MARF1: variants seen among roughly 807,000 people sequenced by gnomAD.
The protein encoded by MARF1 is meiosis regulator and mRNA stability factor 1.
Under a neutral mutation model 168.2 loss-of-function variants are expected in MARF1, and 24 were observed. That is an observed-to-expected ratio of 0.14 (90% CI 0.10 to 0.20). The LOEUF (loss-of-function observed/expected upper bound fraction) is 0.20, where lower values mean the gene tolerates loss of function less well. Ranked by LOEUF, MARF1 falls within the 10% of genes least tolerant of loss-of-function variation. MARF1 has a pLI of 1.00. For synonymous variants in MARF1, 868 were observed against 822.4 expected, an observed-to-expected ratio of 1.06 and a Z score of -0.95; for missense variants, 1,744 against 2,143.6, an observed-to-expected ratio of 0.81 and a Z score of 3.68.
intron 25 of MARF1, among the ~76,000 whole-genome samples, chr16:15,599,842 G>T (rs192110181): frequency 1.3e-5 from 2 of 151,364 alleles, no homozygotes; most frequent in Non-Finnish European, 2.9e-5. Flanking sequence ...CAGGCACCCT[G>T]AGCCCTCTTC....
At chr16:15,604,114 A>G in intron 22 of MARF1, 54 bp downstream of exon 22, 3 of 1,347,432 alleles carry the variant, frequency 2.2e-6, no homozygotes, top group East Asian at 2.3e-5. Context: ...TAATCCGGAA[A>G]TGCCCAATCG....
rs1381157589 is a variant in MARF1, at chr16:15,636,156, T to G, written c.331A>C (p.Thr111Pro). 6.2e-7 allele frequency: 1 copy of G among 1,614,028 alleles called. No homozygotes were observed. Among genetic ancestry groups the G allele is most frequent in the Non-Finnish European group, 8.5e-7 (1 of 1,180,032 alleles). ...CCACCACCAAAACGCATTGGCGAAG[T>G]GGAGGGTTCATTAGGGCAATGAGCA... is the stretch of plus-strand genomic sequence containing the variant. ...CCAHCPNEPS[T>P]SPMRFGGGGG... The change falls in exon 3 of 27, where the codon ACT becomes CCT. Residue 111 changes from threonine (T) to proline (P), a missense_variant. Coordinates refer to ENST00000396368, the MANE Select transcript of MARF1 (RefSeq NM_014647.4).
intron 10 of MARF1, 113 bp from the exon 11 acceptor site, chr16:15,623,236 A>G: frequency 1.7e-6 from 1 of 580,312 alleles, no homozygotes; most frequent in Non-Finnish European, 2.6e-6. Flanking sequence ...CCACAACACA[A>G]CCAAACCAAA....
At chr16:15,610,875 G>A in intron 19 of MARF1, 100 bp downstream of exon 19, 2 of 1,158,502 alleles carry the variant, frequency 1.7e-6, no homozygotes, top group Non-Finnish European at 2.5e-6. Context: ...GAATCTTCAG[G>A]AAGCACGGAC....
In MARF1 at chr16:15,615,756, A is replaced by G. The variant is rs1422142609; in HGVS notation, c.3253+74T>C. 4 of 1,178,554 alleles carry G rather than the reference A, an allele frequency of 3.4e-6. No homozygotes were observed. In the South Asian group the frequency reaches 1.2e-4, roughly 34 times the overall value. 73.0% of individuals were successfully genotyped at this position (1,178,554 alleles called of 1,614,324 possible). On this transcript the variant is annotated intron_variant, in intron 16 of 26. Coordinates refer to ENST00000396368, the MANE Select transcript of MARF1 (RefSeq NM_014647.4). ...CTTGGCAAATTGTGCTGCTGTTTAAAATAAAAGCCAATAGCCTCCTCTGGT... is the reference window on the plus strand; with the variant it reads ...CTTGGCAAATTGTGCTGCTGTTTAAGATAAAAGCCAATAGCCTCCTCTGGT...
At chr16:15,596,973 G>A (rs750522220) in intron 26 of MARF1, 36 bp from the exon 27 acceptor site, 3 of 1,561,356 alleles carry the variant, frequency 1.9e-6, no homozygotes, top group Admixed American at 3.7e-5. Flanking sequence ...TTCAGATCCA[G>A]GAACTGTAAG....
chr16:15,642,944 G>A (rs1344896225), intron 1 of MARF1, 74 bp downstream of exon 1: 9 of 198,554 alleles, frequency 4.5e-5, no homozygotes, highest in Non-Finnish European at 9.4e-5. Context: ...AGGGGACACT[G>A]TCCTCCGTCC....
chr16:15,600,573 C>G lies in MARF1; in HGVS notation c.4688-20G>C. 6.2e-7 allele frequency: 1 copy of G among 1,614,140 alleles called. No homozygotes were observed. Among genetic ancestry groups the G allele is most frequent in the South Asian group, 1.1e-5 (1 of 91,084 alleles). On this transcript the variant is annotated intron_variant, in intron 24 of 26. Transcript: ENST00000396368. ...AACGACCTACAGGACAAAGAGCACC[C>G]GTCAGAGAGAAATGTCAGTGAGAGA...
intron 11 of MARF1, 87 bp downstream of exon 11, chr16:15,622,847 T>C: frequency 1.9e-6 from 2 of 1,072,752 alleles, no homozygotes; most frequent in Non-Finnish European, 2.6e-6. Flanking sequence ...CTATCCCGGC[T>C]GTGGTTATGT....
At chr16:15,613,945 T>C (rs2033814457) in intron 16 of MARF1, among the ~76,000 whole-genome samples, 1 of 152,046 alleles carries the variant, frequency 6.6e-6, no homozygotes, top group South Asian at 2.1e-4. Context: ...GAGGAGGAAG[T>C]ATGTGTGTAT....
At chr16:15,625,220 A>G in intron 8 of MARF1, 47 bp from the exon 9 acceptor site, 2 of 1,601,658 alleles carry the variant, frequency 1.2e-6, no homozygotes, top group Non-Finnish European at 1.7e-6. Flanking sequence ...AGTACCCAAG[A>G]TGTGTTAGAT....
Position 15,612,681 on chromosome 16 carries a change from C to G in MARF1, c.3350G>C (p.Cys1117Ser). The G allele has an allele frequency of 6.2e-7, 1 of 1,614,172 alleles. No homozygotes were observed. Among genetic ancestry groups the G allele is most frequent in the Non-Finnish European group, 8.5e-7 (1 of 1,180,028 alleles). Residue 1117 changes from cysteine to serine, a missense_variant, in exon 17 of 27, where the codon TGT becomes TCT. Physicochemically the swap from Cys to Ser is moderately radical, Grantham distance 112 (BLOSUM62 -1). This residue lies in a region of MARF1 where 543 missense variants were observed against 742.1 expected (regional missense o/e 0.73). Transcript: ENST00000396368. ...VIDLLKSQPS[C>S]VIPISHFIPS... ...GATGAAATGACTGATGGGTATGACA[C>G]AAGATGGCTGGCTTTTCAGCAAGTC...
intron 4 of MARF1, 110 bp downstream of exon 4, chr16:15,634,647 C>T (rs2035467472): frequency 1.9e-6 from 2 of 1,033,966 alleles, no homozygotes; most frequent in Non-Finnish European, 1.4e-6. Flanking sequence ...CTCACATACA[C>T]AGTAGCTTTA....
At chr16:15,642,490 A>G (rs2151357241) in intron 1 of MARF1, 1 of 152,388 alleles carries the variant, frequency 6.6e-6, no homozygotes, top group Non-Finnish European at 1.5e-5. Flanking sequence ...CACAAATGCA[A>G]TTGGACAGCT....
intron 6 of MARF1, among the ~76,000 whole-genome samples, chr16:15,630,706 T>C (rs931217228): frequency 2.6e-5 from 4 of 151,926 alleles, no homozygotes; most frequent in African/African-American, 7.3e-5. Context: ...AAGACACATA[T>C]GTTACTTTCA....
Position 15,623,039 on chromosome 16 carries a change from G to T in MARF1, c.2355C>A (p.Asp785Glu). 1.2e-6 allele frequency: 2 copies of T among 1,611,628 alleles called. No individual in the cohort carries two copies. Among genetic ancestry groups the T allele is most frequent in the Non-Finnish European group, 1.7e-6 (2 of 1,177,956 alleles). ...ANSSSEADCP[D>E]PFANGADVQV... is the part of the protein sequence containing the mutation. ...GGACATCAGCACCATTTGCAAATGG[G>T]TCTGGGCAGTCGGCTTCGCTGCTCG... The change falls in exon 11 of 27, where the codon GAC becomes GAA. Residue 785 changes from aspartate (D) to glutamate (E), a missense_variant. Physicochemically the swap from Asp to Glu is conservative, Grantham distance 45. Coordinates refer to ENST00000396368, the MANE Select transcript of MARF1 (RefSeq NM_014647.4).
In MARF1 at chr16:15,617,529, T is replaced by G; in HGVS notation, c.2727A>C (p.Gly909=). 1 of 1,606,730 alleles carries G rather than the reference T, an allele frequency of 6.2e-7. No homozygotes were observed. Among genetic ancestry groups the G allele is most frequent in the Non-Finnish European group, 8.5e-7 (1 of 1,175,690 alleles). ...KFTDIYEKKF[G]HKLNVSDLYK... ...ATAGATCTGACACATTCAACTTGTG[T>G]CCAAACCTAAAAGCAAGAGAAGAGA... Residue 909 remains glycine (G), a synonymous_variant, in exon 14 of 27, where the codon GGA becomes GGC. Coordinates refer to ENST00000396368, the MANE Select transcript of MARF1 (RefSeq NM_014647.4).
At chr16:15,623,850 A>G (rs1040700801) in intron 10 of MARF1, among the ~76,000 whole-genome samples, 1 of 152,060 alleles carries the variant, frequency 6.6e-6, no homozygotes, top group African/African-American at 2.4e-5. Context: ...CTTTCTGCAC[A>G]TAAGGAAAAC....
intron 11 of MARF1, among the ~76,000 whole-genome samples, 197 bp from the exon 12 acceptor site, chr16:15,622,108 C>A (rs369807108): frequency 3.9e-5 from 6 of 152,102 alleles, no homozygotes; most frequent in Non-Finnish European, 7.4e-5. Flanking sequence ...GACACTGGCC[C>A]GGCCTGCCTG....
Sources: allele counts gnomAD v4.1 joint callset (sites outside exome capture counted in the v4.1 genomes callset), GRCh38; gene constraint gnomAD v4.1.1; regional missense constraint gnomAD v4.1.1; transcripts MANE v1.5; gene names NCBI Gene and HGNC (gene_info 2026-07-23, HGNC 2026-07-21).